Variants in ANKRD11 observed in about 807,000 individuals in gnomAD.
ANKRD11 encodes the protein ankyrin repeat domain-containing protein 11.
Under a neutral mutation model 195.7 loss-of-function variants are expected in ANKRD11, and 17 were observed. The ratio of observed to expected loss-of-function variants is 0.09; its 90% confidence interval spans 0.06 to 0.13. The LOEUF (loss-of-function observed/expected upper bound fraction) is 0.13, where lower values mean the gene tolerates loss of function less well. Among genes scored for constraint, ANKRD11 ranks in the 10% least tolerant of loss-of-function variants. ANKRD11 has a pLI of 1.00. For missense variants in ANKRD11, 3,735 were observed against 3,566.1 expected, an observed-to-expected ratio of 1.05 and a Z score of -1.21; for synonymous variants, 1,953 against 1,528.1, an observed-to-expected ratio of 1.28 and a Z score of -6.49.
intron 1 of ANKRD11, among the ~76,000 whole-genome samples, chr16:89,470,066 C>A (rs147981183): frequency 1.3e-5 from 2 of 151,164 alleles, no homozygotes; most frequent in Non-Finnish European, 3.0e-5. Flanking sequence ...CCACCACGCC[C>A]GGCTAATTTT....
chr16:89,429,258 C>T (rs71374176), intron 1 of ANKRD11, among the ~76,000 whole-genome samples: 108 of 85,290 alleles, frequency 1.3e-3, no homozygotes, highest in South Asian at 2.1e-3. Context: ...ACAGCAGGGA[C>T]TCTCAACTCT....
At position 89,361,856 on chromosome 16, in the gene ANKRD11, G is replaced by A. The variant is rs543056733; in HGVS notation, c.-59-44778C>T. Among the ~76,000 whole-genome samples, 17 of 152,260 alleles carry A rather than the reference G, an allele frequency of 1.1e-4. No individual in the cohort carries two copies. In the South Asian group the frequency reaches 2.3e-3, roughly 20 times the overall value. On this transcript the variant is annotated intron_variant, in intron 2 of 12. Transcript: ENST00000301030. The stretch of plus-strand genomic sequence containing the variant: ...AAAACAAAACAAACAAAAAAAATCC[G>A]CACTCTAGATAAGACCTTCAAAACA...
chr16:89,296,529 AGT>A, intron 4 of ANKRD11, among the ~76,000 whole-genome samples: 1 of 152,216 alleles, frequency 6.6e-6, no homozygotes. Flanking sequence ...TTTTTATTTC[AGT>A]GATTATAGTT....
chr16:89,286,184 C>T lies in ANKRD11; in HGVS notation c.747G>A (p.Val249=), dbSNP rs752879068. Residue 249 remains valine (V), a splice_region_variant and synonymous_variant, in exon 8 of 13, where the codon GTG becomes GTA. Transcript: ENST00000301030. ...HDAANNGHYK[V]VKLLLRYGGN... ...CTCCGTACCGCAGCAGCAGCTTCAC[C>T]ACCTACAAGACAGTAACACCCGCGT... 1 of 1,613,440 alleles carries T rather than the reference C, an allele frequency of 6.2e-7. No homozygotes were observed. The highest frequency in any genetic ancestry group is 8.5e-7 in the Non-Finnish European group (1 of 1,180,038).
chr16:89,469,165 G>A (rs1380011376), intron 1 of ANKRD11, among the ~76,000 whole-genome samples: 1 of 151,780 alleles, frequency 6.6e-6, no homozygotes, highest in Non-Finnish European at 1.5e-5. Context: ...GGGCCACAGG[G>A]CGAGGCTCTG....
chr16:89,411,556 G>A (rs991981561), intron 2 of ANKRD11, among the ~76,000 whole-genome samples: 3 of 152,172 alleles, frequency 2.0e-5, no homozygotes, highest in Non-Finnish European at 4.4e-5. Context: ...CATGACGACA[G>A]GCACACACAA....
At chr16:89,325,660 G>A (rs564600982) in intron 2 of ANKRD11, among the ~76,000 whole-genome samples, 15 of 152,366 alleles carry the variant, frequency 9.8e-5, no homozygotes, top group Non-Finnish European at 2.9e-5. Flanking sequence ...CGGGTTCTAA[G>A]TGAAGGCTGC....
intron 12 of ANKRD11, among the ~76,000 whole-genome samples, chr16:89,269,002 C>G (rs1400307797): frequency 1.3e-5 from 2 of 152,238 alleles, no homozygotes; most frequent in Admixed American, 6.5e-5. Flanking sequence ...TTGCTTTTGT[C>G]ATTTTACAAT....
At chr16:89,453,454 G>A (rs951494560) in intron 1 of ANKRD11, among the ~76,000 whole-genome samples, 13 of 152,192 alleles carry the variant, frequency 8.5e-5, no homozygotes, top group African/African-American at 2.7e-4. Context: ...GGACAAGACA[G>A]AATTCTCTTC....
chr16:89,345,024 G>A (rs940540899), intron 2 of ANKRD11, among the ~76,000 whole-genome samples: 2 of 152,146 alleles, frequency 1.3e-5, no homozygotes, highest in African/African-American at 2.4e-5. Context: ...CAGGAGGAAC[G>A]GCAAGGCCAA....
At chr16:89,425,359 T>G (rs1482115966) in intron 1 of ANKRD11, among the ~76,000 whole-genome samples, 1 of 152,200 alleles carries the variant, frequency 6.6e-6, no homozygotes, top group Non-Finnish European at 1.5e-5. Context: ...ATGGAAAACA[T>G]GGACATGAAT....
chr16:89,340,136 A>C (rs1408208655), intron 2 of ANKRD11, among the ~76,000 whole-genome samples: 1 of 152,232 alleles, frequency 6.6e-6, no homozygotes, highest in Non-Finnish European at 1.5e-5. Flanking sequence ...TACATATCTA[A>C]AGTTTATAAC....
chr16:89,317,092 G>T lies in ANKRD11; in HGVS notation c.-59-14C>A. ...ATCAACCGTCTGCTTCAAAAGAGAA[G>T]ACACACAATTCACTGAATTCAGAGG... On this transcript the variant is annotated splice_polypyrimidine_tract_variant and intron_variant, in intron 2 of 12. Transcript: ENST00000301030. The T allele has an allele frequency of 6.7e-7, 1 of 1,492,578 alleles. No homozygotes were observed. Among genetic ancestry groups the T allele is most frequent in the South Asian group, 1.2e-5 (1 of 84,136 alleles). The allele number at this position is 1,492,578 out of a possible 1,614,324, so 92.5% of individuals were successfully genotyped here.
rs753081925 is a variant in ANKRD11, at chr16:89,284,502, A to G, written c.2040T>C (p.Thr680=). Residue 680 remains threonine, a synonymous_variant, in exon 9 of 13, where the codon ACT becomes ACC. Coordinates refer to ENST00000301030, the MANE Select transcript of ANKRD11 (RefSeq NM_013275.6). ...KAILLENDLS[T]ENKLKVLKHD... ...GCTTTAACACTTTTAGCTTGTTTTC[A>G]GTGGAAAGATCATTCTCTAACAGTA... 1.9e-6 allele frequency: 3 copies of G among 1,613,872 alleles called. No homozygotes were observed. The highest frequency in any genetic ancestry group is 2.5e-6 in the Non-Finnish European group (3 of 1,180,036).
chr16:89,415,473 C>G (rs1372965104), intron 2 of ANKRD11, among the ~76,000 whole-genome samples: 1 of 147,988 alleles, frequency 6.8e-6, no homozygotes, highest in Admixed American at 6.7e-5. Flanking sequence ...ACCGTGTTAG[C>G]CAGGATGGTC....
intron 1 of ANKRD11, among the ~76,000 whole-genome samples, chr16:89,477,977 A>T (rs948838048): frequency 1.3e-5 from 2 of 152,192 alleles, no homozygotes; most frequent in East Asian, 1.9e-4. Flanking sequence ...ACAAAAAATT[A>T]AAAAATCAGA....
At chr16:89,487,008 CAAA>C (rs11384395) in intron 1 of ANKRD11, among the ~76,000 whole-genome samples, 4 of 126,542 alleles carry the variant, frequency 3.2e-5, no homozygotes, top group Non-Finnish European at 5.0e-5. Context: ...GACTCCGTCT[CAAA>C]AAAAAAAAAA....
intron 1 of ANKRD11, among the ~76,000 whole-genome samples, chr16:89,462,377 G>A (rs929868343): frequency 6.6e-6 from 1 of 152,204 alleles, no homozygotes; most frequent in Non-Finnish European, 1.5e-5. Flanking sequence ...AGTGCTCAAT[G>A]GTGCCCAGGC....
chr16:89,481,018 C>G (rs2057427394), intron 1 of ANKRD11, among the ~76,000 whole-genome samples: 1 of 152,164 alleles, frequency 6.6e-6, no homozygotes, highest in Non-Finnish European at 1.5e-5. Context: ...ACAAAATAAA[C>G]AGCACCCAGC....
Sources: allele counts gnomAD v4.1 joint callset (sites outside exome capture counted in the v4.1 genomes callset), GRCh38; gene constraint gnomAD v4.1.1; transcripts MANE v1.5; gene names NCBI Gene and HGNC (gene_info 2026-07-23, HGNC 2026-07-21).